The following LRP1B variants were observed in gnomAD, a reference collection of about 807,000 sequenced individuals.
The protein encoded by LRP1B is LDL receptor related protein 1B.
LRP1B carries 217 observed loss-of-function variants against 556.6 expected under a neutral mutation model. The ratio of observed to expected loss-of-function variants is 0.39; its 90% confidence interval spans 0.35 to 0.44. The LOEUF (loss-of-function observed/expected upper bound fraction) is 0.44. LRP1B is among the 20% of genes least tolerant of loss of function. LRP1B has a pLI of 1.00. For missense variants in LRP1B, 5,053 were observed against 5,620.8 expected, an observed-to-expected ratio of 0.90 and a Z score of 3.23; for synonymous variants, 2,047 against 1,865.8, an observed-to-expected ratio of 1.10 and a Z score of -2.50.
At position 140,232,292 on chromosome 2, in the gene LRP1B, G is replaced by A. The variant is rs561454153; in HGVS notation, c.*894C>T. 2.0e-5 allele frequency: 3 copies of A among 151,386 alleles called. 1 individual carries two copies. The highest frequency in any genetic ancestry group is 7.2e-5 in the African/African-American group (3 of 41,434). 9.4% of individuals were successfully genotyped at this position (151,386 alleles called of 1,614,324 possible). On this transcript the variant is annotated 3_prime_UTR_variant, in exon 91 of 91. Transcript: ENST00000389484. ...CTTATATATTATTCTTTAGTGTTCA[G>A]TGTAGTGTAAGGGGTTGGGTTAATC...
intron 1 of LRP1B, among the ~76,000 whole-genome samples, chr2:142,081,719 T>A (rs7577391): frequency 0.49 from 74,864 of 151,928 alleles, 18,822 homozygotes; most frequent in East Asian, 0.69. Flanking sequence ...GCTCAAGCGA[T>A]CCTCCTGCTT....
intron 7 of LRP1B, among the ~76,000 whole-genome samples, chr2:141,156,593 A>C (rs1366101237): frequency 6.7e-6 from 1 of 149,718 alleles, no homozygotes; most frequent in Non-Finnish European, 1.5e-5. Context: ...ACATCATTGC[A>C]CTCCATCCCG....
At chr2:141,535,471 T>C (rs1685040744) in intron 2 of LRP1B, among the ~76,000 whole-genome samples, 3 of 151,986 alleles carry the variant, frequency 2.0e-5, no homozygotes, top group Admixed American at 2.0e-4. Context: ...ATTCAAGATT[T>C]CTCCTATGAG....
intron 2 of LRP1B, among the ~76,000 whole-genome samples, chr2:141,667,936 T>C (rs1690506848): frequency 6.6e-6 from 1 of 152,134 alleles, no homozygotes; most frequent in Non-Finnish European, 1.5e-5. Context: ...CTCCTTTAAT[T>C]AAGAAGAAAG....
At chr2:140,999,399 T>C (rs1021474918) in intron 15 of LRP1B, among the ~76,000 whole-genome samples, 1 of 152,060 alleles carries the variant, frequency 6.6e-6, no homozygotes, top group Non-Finnish European at 1.5e-5. Context: ...GCATGAATTA[T>C]AGATATTAGA....
intron 3 of LRP1B, among the ~76,000 whole-genome samples, chr2:141,306,491 T>C (rs1686593312): frequency 6.6e-6 from 1 of 152,138 alleles, no homozygotes; most frequent in African/African-American, 2.4e-5. Context: ...CTCTTTGATA[T>C]CTGATTTTGT....
intron 41 of LRP1B, among the ~76,000 whole-genome samples, chr2:140,625,400 A>G (rs938607102): frequency 2.0e-5 from 3 of 152,208 alleles, no homozygotes; most frequent in African/African-American, 7.2e-5. Context: ...ATTAAACTTA[A>G]AAGCCTGTTC....
intron 15 of LRP1B, among the ~76,000 whole-genome samples, chr2:141,000,668 T>G (rs1035539277): frequency 6.6e-6 from 1 of 152,088 alleles, no homozygotes; most frequent in Non-Finnish European, 1.5e-5. Flanking sequence ...TAACTCATCT[T>G]TCATTTTCTT....
intron 2 of LRP1B, among the ~76,000 whole-genome samples, chr2:141,647,766 G>T: frequency 6.8e-6 from 1 of 148,132 alleles, no homozygotes. Context: ...GTCATTGACT[G>T]GTTTTAACAG....
intron 41 of LRP1B, among the ~76,000 whole-genome samples, chr2:140,642,064 C>G (rs544046470): frequency 6.6e-6 from 1 of 152,184 alleles, no homozygotes; most frequent in South Asian, 2.1e-4. Flanking sequence ...GGTGAGTGAC[C>G]TGGACCTTCA....
At chr2:141,523,816 C>T (rs1437705776) in intron 2 of LRP1B, among the ~76,000 whole-genome samples, 1 of 152,076 alleles carries the variant, frequency 6.6e-6, no homozygotes. Context: ...CCATCATAGC[C>T]GAGTAAGGTC....
chr2:140,289,160 A>G (rs1329342852), intron 84 of LRP1B, among the ~76,000 whole-genome samples: 1 of 152,034 alleles, frequency 6.6e-6, no homozygotes, highest in African/African-American at 2.4e-5. Flanking sequence ...TACAGATAAA[A>G]GTTTATCAAT....
At chr2:142,039,879 T>C (rs1254347730) in intron 1 of LRP1B, among the ~76,000 whole-genome samples, 2 of 151,618 alleles carry the variant, frequency 1.3e-5, no homozygotes, top group African/African-American at 2.4e-5. Flanking sequence ...TTTCAGGACA[T>C]AGATCGAGAG....
chr2:140,316,917 C>G (rs1518441), intron 82 of LRP1B, among the ~76,000 whole-genome samples: 43,059 of 151,936 alleles, frequency 0.28, 6,210 homozygotes, highest in Admixed American at 0.38. Flanking sequence ...TGTAAAATTT[C>G]AACAGGCGAT....
intron 66 of LRP1B, among the ~76,000 whole-genome samples, chr2:140,423,235 T>C (rs1297496236): frequency 1.3e-5 from 2 of 152,172 alleles, no homozygotes; most frequent in African/African-American, 4.8e-5. Context: ...AGTACCCTCA[T>C]TTCTTGCATT....
At position 141,096,627 on chromosome 2, in the gene LRP1B, GGGGAGAGAGAGAGAGAGAGAGAGAGAGA is replaced by G. The variant is rs1270113370; in HGVS notation, c.1014-34382_1014-34355del. On this transcript the variant is annotated intron_variant, in intron 7 of 90. Transcript: ENST00000389484. ...GCCTGAATGACAAAGACGGGGAGAG[GGGGAGAGAGAGAGAGAGAGAGAGAGAGA>G]GAGAGAGAGAGAGAGAGAGAGAGAG... Among the ~76,000 whole-genome samples the G allele has an allele frequency of 8.4e-3, 425 of 50,544 alleles. 10 individuals carry two copies. The highest frequency in any genetic ancestry group is 0.03 in the African/African-American group (392 of 13,026). 33.2% of individuals were successfully genotyped at this position (50,544 alleles called of 152,430 possible). A position where few individuals can be genotyped will look rare whatever the true frequency, so the allele number is the denominator to read the frequency against.
At chr2:140,782,913 C>T (rs1202257968) in intron 32 of LRP1B, among the ~76,000 whole-genome samples, 2 of 152,094 alleles carry the variant, frequency 1.3e-5, no homozygotes, top group Non-Finnish European at 2.9e-5. Flanking sequence ...TGAAAGGTGG[C>T]CTTCCTGAAG....
At chr2:140,952,504 GAACAA>G (rs1169411100) in intron 18 of LRP1B, among the ~76,000 whole-genome samples, 1 of 146,860 alleles carries the variant, frequency 6.8e-6, no homozygotes, top group East Asian at 2.0e-4. Context: ...CTACGAAAAA[GAACAA>G]AACAACAACA....
At chr2:140,553,603 C>G (rs1032574767) in intron 43 of LRP1B, among the ~76,000 whole-genome samples, 4 of 152,070 alleles carry the variant, frequency 2.6e-5, no homozygotes, top group Admixed American at 2.0e-4. Context: ...AGTATACCCT[C>G]AAGTCTTTAG....
Sources: gnomAD v4.1 joint callset for allele counts (sites outside exome capture counted in the v4.1 genomes callset) on GRCh38, gnomAD v4.1.1 for gene constraint, MANE v1.5 for transcripts, NCBI Gene and HGNC (gene_info 2026-07-23, HGNC 2026-07-21) for gene names.